Variants in CDHR4 observed in about 807,000 individuals in gnomAD.
The protein encoded by CDHR4 is cadherin related family member 4, also known as cadherin-related family member 4.
Under a neutral mutation model 88.4 loss-of-function variants are expected in CDHR4, and 89 were observed. That is an observed-to-expected ratio of 1.01 (90% CI 0.85 to 1.20). CDHR4 has a LOEUF of 1.20. Ranked by LOEUF, CDHR4 falls within the 50% of genes most tolerant of loss-of-function variation. The pLI is 0.00. For synonymous variants in CDHR4, 368 were observed against 399.2 expected (o/e 0.92, Z 0.93); for missense variants, 914 against 1,007.2 (o/e 0.91, Z 1.25).
At chr3:49,792,656 T>C (rs1245032220) in intron 14 of CDHR4, 46 bp from the exon 15 acceptor site, 28 of 1,548,196 alleles carry the variant, frequency 1.8e-5, no homozygotes, top group Non-Finnish European at 2.4e-5. Flanking sequence ...CAAAATGCCC[T>C]GACCATCCAG....
intron 9 of CDHR4, 37 bp downstream of exon 9, chr3:49,794,910 C>A: frequency 6.4e-7 from 1 of 1,550,598 alleles, no homozygotes; most frequent in Non-Finnish European, 8.7e-7. Context: ...CCACTGCAAG[C>A]ACCCTGCAAG....
intron 15 of CDHR4, 69 bp from the exon 16 acceptor site, chr3:49,792,028 T>G: frequency 2.1e-6 from 3 of 1,440,506 alleles, no homozygotes; most frequent in Non-Finnish European, 9.5e-7. Context: ...ATCAGCACCA[T>G]TCACCCATTC....
intron 5 of CDHR4, among the ~76,000 whole-genome samples, chr3:49,796,523 G>A (rs777492691): frequency 2.5e-4 from 38 of 152,248 alleles, no homozygotes; most frequent in South Asian, 1.5e-3. Flanking sequence ...TTTTAGTAGA[G>A]ACGGGGTTTC....
At chr3:49,800,882 CAAAAA>C (rs765360361), upstream of CDHR4, among the ~76,000 whole-genome samples, 3 of 54,932 alleles carry the variant, frequency 5.5e-5, no homozygotes, top group Non-Finnish European at 8.6e-5. Flanking sequence ...CCTGTCTCTA[CAAAAA>C]AAAAAAAAAA....
Position 49,793,151 on chromosome 3 carries a change from T to C in CDHR4, c.1774+10A>G, listed in dbSNP as rs1437458886. 4 of 1,551,462 alleles carry C rather than the reference T, an allele frequency of 2.6e-6. No homozygotes were observed. In the Admixed American group the frequency reaches 5.9e-5, roughly 23 times the overall value. On this transcript the variant is annotated intron_variant, in intron 13 of 18. Transcript: ENST00000412678. ...CTCACTCACAACCTGGTGGTGCCCA[T>C]GTCCCCTACCTCCCACGATGCTATA...
chr3:49,799,012 C>G lies in CDHR4; in HGVS notation c.385G>C (p.Gly129Arg). 1 of 1,608,492 alleles carries G rather than the reference C, an allele frequency of 6.2e-7. No homozygotes were observed. Among genetic ancestry groups the G allele is most frequent in the East Asian group, 2.2e-5 (1 of 44,666 alleles). ...QRDLSHIQCA[G>R]QFASPAGEMI... ...GCCTCACCTGGGCTGGCAAATTGAC[C>G]AGCACACTGGATATGGCTAAGGTCC... The change falls in exon 3 of 19, where the codon GGT becomes CGT. Residue 129 changes from glycine (G) to arginine (R), a missense_variant. By Grantham distance (125) the Gly-to-Arg change is moderately radical. Transcript: ENST00000412678.
rs1468104917 is a variant in CDHR4 at position 49,798,896 on chromosome 3, G to A, written c.425C>T (p.Pro142Leu). 6.2e-7 allele frequency: 1 copy of A among 1,613,738 alleles called. No homozygotes were observed. The highest frequency in any genetic ancestry group is 8.5e-7 in the Non-Finnish European group (1 of 1,179,822). The change falls in exon 4 of 19, where the codon CCA (proline) becomes CTA (leucine). Residue 142 changes from proline (P) to leucine (L), a missense_variant. Coordinates refer to ENST00000412678, the MANE Select transcript of CDHR4 (RefSeq NM_001007540.4). ...ASPAGEMIQV[P>L]ETVTPGARLY... ...CCGAGCCCCAGGTGTGACTGTCTCTGGCACCTGAATCATTTCCCCAGCTGG... is the reference window on the plus strand; with the variant it reads ...CCGAGCCCCAGGTGTGACTGTCTCTAGCACCTGAATCATTTCCCCAGCTGG...
At position 49,799,404 on chromosome 3, in the gene CDHR4, G is replaced by A. The variant is rs2081329379; in HGVS notation, c.83C>T (p.Ser28Phe). The change falls in exon 2 of 19, where the codon TCT becomes TTT. Residue 28 changes from serine (S) to phenylalanine (F), a missense_variant. Transcript: ENST00000412678. ...GACTGTGCCAGGGCCCTGGCTCTCAGAGACATTTATAAAGCAGGGCAGGCT... is the reference window on the plus strand; with the variant it reads ...GACTGTGCCAGGGCCCTGGCTCTCAAAGACATTTATAAAGCAGGGCAGGCT... Reference protein sequence around the residue: ...LCSLPCFINVSESQGPGTVLQ... With the variant: ...LCSLPCFINVFESQGPGTVLQ... 3.7e-6 allele frequency: 6 copies of A among 1,607,674 alleles called. No homozygotes were observed. The highest frequency in any genetic ancestry group is 5.1e-6 in the Non-Finnish European group (6 of 1,177,170).
In CDHR4 at chr3:49,799,058, T is replaced by C. The variant is rs768861614; in HGVS notation, c.339A>G (p.Ser113=). ...FTCGNHVMEG[S]LSVDVQRDLS... is the part of the protein sequence containing the mutation. ...GGTCCCGCTGCACATCCACAGAGAG[T>C]GAGCCCTCCATCACATGGTTGCCAC... Residue 113 remains serine, a synonymous_variant, in exon 3 of 19, where the codon TCA becomes TCG. Coordinates refer to ENST00000412678, the MANE Select transcript of CDHR4 (RefSeq NM_001007540.4). The C allele has an allele frequency of 1.9e-6, 3 of 1,591,948 alleles. No individual in the cohort carries two copies. The highest frequency in any genetic ancestry group is 1.3e-5 in the African/African-American group (1 of 74,478).
intron 15 of CDHR4, 74 bp from the exon 16 acceptor site, chr3:49,792,033 C>T: frequency 7.0e-7 from 1 of 1,424,978 alleles, no homozygotes; most frequent in East Asian, 2.5e-5. Flanking sequence ...CACCATTCAC[C>T]CATTCCTTTA....
chr3:49,794,492 T>G, intron 10 of CDHR4, 116 bp downstream of exon 10: 4 of 803,084 alleles, frequency 5.0e-6, no homozygotes, highest in Non-Finnish European at 7.9e-6. Context: ...TCTGAAATGG[T>G]GACAACCCTG....
At position 49,795,658 on chromosome 3, in the gene CDHR4, C is replaced by T. The variant is rs1392182051; in HGVS notation, c.817G>A (p.Val273Met). ...CCAATGGAGAAGAGTGGGCTGGGCA[C>T]CGGAGACAGGATTTCATAGCGCAGG... ...VDLRYEILSP[V>M]PSPLFSIGRA... Residue 273 changes from valine (V) to methionine (M), a missense_variant, in exon 7 of 19, where the codon GTG becomes ATG. Transcript: ENST00000412678. This position sits in a 1 kb window ranked among gnomAD's most constrained non-coding sequence, Gnocchi z 5.4. The T allele has an allele frequency of 6.4e-7, 1 of 1,551,666 alleles. No homozygotes were observed. The highest frequency in any genetic ancestry group is 2.0e-5 in the Admixed American group (1 of 50,994).
At chr3:49,793,376 C>A in intron 12 of CDHR4, 65 bp from the exon 13 acceptor site, 2 of 1,518,450 alleles carry the variant, frequency 1.3e-6, no homozygotes, top group South Asian at 1.2e-5. Context: ...GCCAGCCCCT[C>A]AACTTCTTCT....
intron 11 of CDHR4, 23 bp from the exon 12 acceptor site, chr3:49,793,745 C>T: frequency 2.6e-6 from 4 of 1,551,636 alleles, no homozygotes; most frequent in Non-Finnish European, 3.5e-6. Flanking sequence ...ACCACAGCTT[C>T]AGCCTGCAGG....
Position 49,791,815 on chromosome 3 carries a change from C to T in CDHR4, c.2196-14G>A, listed in dbSNP as rs756129056. 2.0e-5 allele frequency: 31 copies of T among 1,551,508 alleles called. No homozygotes were observed. In the South Asian group the frequency reaches 2.9e-4, roughly 14 times the overall value. On this transcript the variant is annotated splice_polypyrimidine_tract_variant and intron_variant, in intron 16 of 18. Transcript: ENST00000412678. ...GTTCCCTGGATGCTGGGGCAAAGTA[C>T]GAGCAAGAGTACAGGGCAAGGCTCT...
chr3:49,794,838 G>A (rs964603025), intron 9 of CDHR4, 109 bp downstream of exon 9: 60 of 1,465,424 alleles, frequency 4.1e-5, no homozygotes, highest in Non-Finnish European at 5.2e-5. Context: ...AGGTTGGCTC[G>A]ACAGCCATCC....
intron 18 of CDHR4, 82 bp downstream of exon 18, chr3:49,791,359 T>G: frequency 1.4e-5 from 20 of 1,424,212 alleles, no homozygotes; most frequent in Non-Finnish European, 1.7e-5. Context: ...GAGGAGATAT[T>G]GAGATGGGGT....
At chr3:49,796,835 G>T in intron 5 of CDHR4, 87 bp downstream of exon 5, 3 of 1,009,264 alleles carry the variant, frequency 3.0e-6, no homozygotes, top group Non-Finnish European at 4.5e-6. Context: ...AGTCAAGGAG[G>T]CCAAGGAGGC....
Position 49,795,037 on chromosome 3 carries a change from C to T in CDHR4, c.1095G>A (p.Pro365=), listed in dbSNP as rs370686742. 18 of 1,551,560 alleles carry T rather than the reference C, an allele frequency of 1.2e-5. No individual in the cohort carries two copies. The East Asian group carries it at 1.5e-4, about 13-fold the overall frequency. The part of the protein sequence containing the change: ...TVLNTLTCED[P]DSVGATLDYK... ...AGTCCAGGGTGGCACCAACAGAGTC[C>T]GGATCTTCGCAAGTGAGAGTATTCA... is the stretch of plus-strand genomic sequence containing the variant. The change falls in exon 9 of 19, where the codon CCG becomes CCA. Residue 365 remains proline, a synonymous_variant. Coordinates refer to ENST00000412678, the MANE Select transcript of CDHR4 (RefSeq NM_001007540.4). This position sits in a 1 kb window ranked among gnomAD's most constrained non-coding sequence, Gnocchi z 5.4.
Sources: allele counts gnomAD v4.1 joint callset (sites outside exome capture counted in the v4.1 genomes callset), GRCh38; gene constraint gnomAD v4.1.1; non-coding constraint Gnocchi (gnomAD v3.1); transcripts MANE v1.5; gene names NCBI Gene and HGNC (gene_info 2026-07-23, HGNC 2026-07-21).